Variants in SLC8A2 observed in about 807,000 individuals in gnomAD.
SLC8A2 encodes the protein solute carrier family 8 member A2.
SLC8A2 carries 14 observed loss-of-function variants against 70.2 expected under a neutral mutation model. The observed-to-expected ratio is 0.20, with a 90% confidence interval of 0.13 to 0.31. The LOEUF (loss-of-function observed/expected upper bound fraction) is 0.31. Among genes scored for constraint, SLC8A2 ranks in the 10% least tolerant of loss-of-function variants. The pLI is 1.00. For missense variants in SLC8A2, 779 were observed against 1,320.1 expected (o/e 0.59, Z 6.35); for synonymous variants, 575 against 594.3 (o/e 0.97, Z 0.47).
chr19:47,437,882 C>A lies in SLC8A2; in HGVS notation c.1977G>T (p.Leu659=), dbSNP rs764934411. 3 of 1,614,124 alleles carry A rather than the reference C, an allele frequency of 1.9e-6. No individual in the cohort carries two copies. The highest frequency in any genetic ancestry group is 1.7e-6 in the Non-Finnish European group (2 of 1,180,000). ...GKPVLGENCR[L]EVIIEESYDF... is the part of the protein sequence containing the mutation. ...CATATGACTCCTCGATGATGACCTC[C>A]AGCCGGCAGTTCTCCCCAAGAACTG... Residue 659 remains leucine (L), a synonymous_variant, in exon 7 of 10, where the codon CTG becomes CTT. Coordinates refer to ENST00000236877, the MANE Select transcript of SLC8A2 (RefSeq NM_015063.3).
At chr19:47,459,643 ATCTGTGTGTGTGTCCT>A (rs1376494903) in intron 2 of SLC8A2, among the ~76,000 whole-genome samples, 9 of 147,226 alleles carry the variant, frequency 6.1e-5, no homozygotes, top group African/African-American at 1.0e-4. Flanking sequence ...GCGTGTGTCC[ATCTGTGTGTGTGTCCT>A]TCTGTGTGTG....
chr19:47,440,910 A>G (rs944785058), intron 6 of SLC8A2, among the ~76,000 whole-genome samples: 11 of 152,022 alleles, frequency 7.2e-5, no homozygotes, highest in Non-Finnish European at 1.3e-4. Flanking sequence ...TAATTTTTGT[A>G]TCTTTACAAG....
In SLC8A2 at chr19:47,457,322, G is replaced by A. The variant is rs1967319003; in HGVS notation, c.948C>T (p.Ile316=). 10 of 1,543,754 alleles carry A rather than the reference G, an allele frequency of 6.5e-6. No homozygotes were observed. Among genetic ancestry groups the A allele is most frequent in the African/African-American group, 1.4e-5 (1 of 71,858 alleles). ...RELDASRREV[I]QILKDLKQKH... ...TCTGCTTGAGGTCCTTGAGGATCTG[G>A]ATGACCTCGCGGCGGCTGGCGTCCA... The change falls in exon 3 of 10, where the codon ATC becomes ATT. Residue 316 remains isoleucine (I), a synonymous_variant. Transcript: ENST00000236877.
intron 3 of SLC8A2, among the ~76,000 whole-genome samples, chr19:47,456,680 C>T (rs1242643776): frequency 1.3e-5 from 2 of 152,172 alleles, no homozygotes; most frequent in Non-Finnish European, 2.9e-5. Context: ...AACAAAAACC[C>T]AGAGGTAGAT....
intron 9 of SLC8A2, among the ~76,000 whole-genome samples, chr19:47,431,501 T>C (rs1434866900): frequency 6.6e-6 from 1 of 151,084 alleles, no homozygotes; most frequent in Non-Finnish European, 1.5e-5. Context: ...ACGTAAAAAT[T>C]AGCTGGATGT....
rs1966927144 is a variant in SLC8A2 at position 47,429,836 on chromosome 19, A to T, written c.*253T>A. On this transcript the variant is annotated 3_prime_UTR_variant, in exon 10 of 10. Coordinates refer to ENST00000236877, the MANE Select transcript of SLC8A2 (RefSeq NM_015063.3). ...AATTTCCCCAGGGATATAGACGGTCACCAACAGGATGGGCTGGAGTTGGGG... is the reference window on the plus strand; with the variant it reads ...AATTTCCCCAGGGATATAGACGGTCTCCAACAGGATGGGCTGGAGTTGGGG... 4 of 576,860 alleles carry T rather than the reference A, an allele frequency of 6.9e-6. No individual in the cohort carries two copies. In the Admixed American group the frequency reaches 9.5e-5, roughly 14 times the overall value. The allele number at this position is 576,860 out of a possible 1,614,324, so 35.7% of individuals were successfully genotyped here.
intron 2 of SLC8A2, among the ~76,000 whole-genome samples, chr19:47,463,807 C>T (rs999139365): frequency 6.6e-6 from 1 of 152,086 alleles, no homozygotes; most frequent in African/African-American, 2.4e-5. Flanking sequence ...TACTCTGTTT[C>T]AGGCAGACTA....
chr19:47,453,554 C>T (rs1967269474), intron 3 of SLC8A2, among the ~76,000 whole-genome samples: 1 of 152,198 alleles, frequency 6.6e-6, no homozygotes, highest in Non-Finnish European at 1.5e-5. Context: ...GATGTTGACT[C>T]TTCTTAGCCC....
At position 47,466,508 on chromosome 19, in the gene SLC8A2, G is replaced by T. The variant is rs1411826993; in HGVS notation, c.-16-89C>A. 6.8e-6 allele frequency: 4 copies of T among 588,624 alleles called. No homozygotes were observed. The highest frequency in any genetic ancestry group is 1.9e-5 in the African/African-American group (1 of 53,650). 36.5% of individuals were successfully genotyped at this position (588,624 alleles called of 1,614,324 possible). On this transcript the variant is annotated intron_variant, in intron 1 of 9. Transcript: ENST00000236877. This position sits in a 1 kb window ranked among gnomAD's most constrained non-coding sequence, Gnocchi z 6.9. ...AAAGCTCACTGGGGAAGGAGGGTTG[G>T]GGGAGAAGCTGAGGACCAATGCAGG...
intron 6 of SLC8A2, among the ~76,000 whole-genome samples, chr19:47,438,868 A>G (rs1967064096): frequency 6.6e-6 from 1 of 151,960 alleles, no homozygotes; most frequent in Admixed American, 6.6e-5. Flanking sequence ...CTCAGTCCCA[A>G]CTCCCAACTC....
rs374372082 is a variant in SLC8A2 at position 47,465,697 on chromosome 19, C to T, written c.675+32G>A. On this transcript the variant is annotated intron_variant, in intron 2 of 9. Transcript: ENST00000236877. This position sits in a 1 kb window ranked among gnomAD's most constrained non-coding sequence, Gnocchi z 5.5. ...TCTCTGGATTTTGCAGACACACATGCACCAAGAAAGCATCTATGCGTCTTT... is the reference window on the plus strand; with the variant it reads ...TCTCTGGATTTTGCAGACACACATGTACCAAGAAAGCATCTATGCGTCTTT... 61 of 1,554,816 alleles carry T rather than the reference C, an allele frequency of 3.9e-5. No individual in the cohort carries two copies. The highest frequency in any genetic ancestry group is 5.3e-5 in the Non-Finnish European group (60 of 1,142,748).
rs546794509 is a variant in SLC8A2, at chr19:47,429,933, A to AG, written c.*155dup. 695,361 of 695,392 alleles carry AG rather than the reference A, an allele frequency of 1. 347,665 individuals carry two copies. The highest frequency in any genetic ancestry group is 1 in the Middle Eastern group (3,642 of 3,642). The allele number at this position is 695,392 out of a possible 1,614,324, so 43.1% of individuals were successfully genotyped here. On this transcript the variant is annotated 3_prime_UTR_variant, in exon 10 of 10. Transcript: ENST00000236877. The stretch of plus-strand genomic sequence containing the variant: ...GGCTGAGCTACTGGGGACACAGAAC[A>AG]GGGCAATCAAAGCCAGGGGAGGGGG...
At chr19:47,446,457 C>G (rs1371815869) in intron 4 of SLC8A2, among the ~76,000 whole-genome samples, 1 of 152,100 alleles carries the variant, frequency 6.6e-6, no homozygotes, top group African/African-American at 2.4e-5. Context: ...GAGACAGGGT[C>G]TCACTGTGTC....
Position 47,435,651 on chromosome 19 carries a change from C to T in SLC8A2, c.2110+1811G>A, listed in dbSNP as rs1006567842. 6.0e-5 allele frequency among the ~76,000 whole-genome samples: 9 copies of T among 151,136 alleles called. No homozygotes were observed. In the East Asian group the frequency reaches 1.8e-3, roughly 29 times the overall value. The stretch of plus-strand genomic sequence containing the variant: ...GCAACCTCTGCCTCCCAGGTTCAAG[C>T]GATTCTCCTGCCTCAGCCTCCTGAG... On this transcript the variant is annotated intron_variant, in intron 8 of 9. Transcript: ENST00000236877.
chr19:47,442,886 T>A (rs1176336609), intron 4 of SLC8A2, among the ~76,000 whole-genome samples: 1 of 152,154 alleles, frequency 6.6e-6, no homozygotes, highest in African/African-American at 2.4e-5. Flanking sequence ...TCTCACCACA[T>A]TGCCCAGGCT....
chr19:47,447,814 C>G lies in SLC8A2; in HGVS notation c.1758G>C (p.Glu586Asp). 6.3e-7 allele frequency: 1 copy of G among 1,588,764 alleles called. No individual in the cohort carries two copies. The highest frequency in any genetic ancestry group is 1.1e-5 in the South Asian group (1 of 89,308). The part of the protein sequence containing the change: ...ACGELEFGDD[E>D]TMKTLQVKIV... ...GCCGCCTCGGGCGTGCTCACATGGT[C>G]TCGTCGTCGCCAAACTCCAGCTCTC... Residue 586 changes from glutamate (E) to aspartate (D), a missense_variant, in exon 4 of 10, where the codon GAG becomes GAC. Around this residue, in one of 6 missense-constraint regions of SLC8A2, gnomAD observed 247 missense variants for 362.8 expected, o/e 0.68. Coordinates refer to ENST00000236877, the MANE Select transcript of SLC8A2 (RefSeq NM_015063.3). The surrounding 1 kb of genome is among the most constrained non-coding windows in gnomAD (Gnocchi z 5.1).
At chr19:47,434,564 C>T (rs1373111247) in intron 8 of SLC8A2, among the ~76,000 whole-genome samples, 2 of 152,178 alleles carry the variant, frequency 1.3e-5, no homozygotes, top group Admixed American at 6.5e-5. Flanking sequence ...ACACCTCCAG[C>T]GTTATTACTG....
In SLC8A2 at chr19:47,437,766, C is replaced by A. The variant is rs1280601812; in HGVS notation, c.2010+83G>T. On this transcript the variant is annotated intron_variant, in intron 7 of 9. Coordinates refer to ENST00000236877, the MANE Select transcript of SLC8A2 (RefSeq NM_015063.3). ...CCCTTCTTTGGCTTGATCTTAGGAA[C>A]CTTGTGGCTCCCCGCTTTCCGGACC... 1.4e-5 allele frequency: 22 copies of A among 1,544,486 alleles called. No individual in the cohort carries two copies. In the East Asian group the frequency reaches 2.0e-4, roughly 14 times the overall value.
rs1174767084 is a variant in SLC8A2 at position 47,429,988 on chromosome 19, G to C, written c.*101C>G. 3 of 1,262,238 alleles carry C rather than the reference G, an allele frequency of 2.4e-6. No homozygotes were observed. Among genetic ancestry groups the C allele is most frequent in the Admixed American group, 5.3e-5 (2 of 38,056 alleles). 78.2% of individuals were successfully genotyped at this position (1,262,238 alleles called of 1,614,324 possible). A position where few individuals can be genotyped will look rare whatever the true frequency, so the allele number is the denominator to read the frequency against. ...GAAGGGAGGCCGAGTCCCAGGAGAG[G>C]AGGCCGAGTCTGGGGGGAAAAGGAG... On this transcript the variant is annotated 3_prime_UTR_variant, in exon 10 of 10. Transcript: ENST00000236877.
Sources: gnomAD v4.1 joint callset for allele counts (sites outside exome capture counted in the v4.1 genomes callset) on GRCh38, gnomAD v4.1.1 for gene constraint, gnomAD v4.1.1 regional missense constraint, Gnocchi (gnomAD v3.1) non-coding constraint, MANE v1.5 for transcripts, NCBI Gene and HGNC (gene_info 2026-07-23, HGNC 2026-07-21) for gene names.